ULK2: variants seen among roughly 807,000 people sequenced by gnomAD.
ULK2 encodes the protein unc-51 like autophagy activating kinase 2.
ULK2 carries 76 observed loss-of-function variants against 127.5 expected under a neutral mutation model. That is an observed-to-expected ratio of 0.60 (90% CI 0.50 to 0.72). ULK2 has a LOEUF of 0.72. Ranked by LOEUF, ULK2 falls within the 30% of genes least tolerant of loss-of-function variation. ULK2 has a pLI of 0.00. For missense variants in ULK2, 1,144 were observed against 1,295.9 expected (o/e 0.88, Z 1.80); for synonymous variants, 452 against 461.9 (o/e 0.98, Z 0.28).
chr17:19,783,841 C>T lies in ULK2; in HGVS notation c.2316G>A (p.Pro772=), dbSNP rs376881301. ...AMSGRVCVGS[P]PGPGFGSSPP... ...GGGAAGAGCCGAAGCCTGGGCCAGG[C>T]GGGGACCCCACGCACACGCGGCCAC... The change falls in exon 22 of 27, where the codon CCG becomes CCA. Residue 772 remains proline (P), a synonymous_variant. Transcript: ENST00000395544. 17 of 1,594,390 alleles carry T rather than the reference C, an allele frequency of 1.1e-5. No homozygotes were observed. The highest frequency in any genetic ancestry group is 1.4e-5 in the Non-Finnish European group (16 of 1,170,698).
chr17:19,801,618 G>C (rs1343261719), intron 16 of ULK2, among the ~76,000 whole-genome samples, 159 bp downstream of exon 16: 1 of 152,092 alleles, frequency 6.6e-6, no homozygotes, highest in Admixed American at 6.5e-5. Flanking sequence ...AAGAAAAGAG[G>C]GAGTTGGGAT....
rs145971510 is a variant in ULK2 at position 19,802,230 on chromosome 17, T to C, written c.1296-308A>G. On this transcript the variant is annotated intron_variant, in intron 15 of 26. Coordinates refer to ENST00000395544, the MANE Select transcript of ULK2 (RefSeq NM_014683.4). The stretch of plus-strand genomic sequence containing the variant: ...ACTAAATATATACTCCTTTTCACCA[T>C]GTTTTAACACCAAAGGTGATATATT... 1.8e-3 allele frequency among the ~76,000 whole-genome samples: 268 copies of C among 152,344 alleles called. 4 individuals carry two copies. The East Asian group carries it at 0.041, about 23-fold the overall frequency.
At position 19,782,086 on chromosome 17, in the gene ULK2, G is replaced by A. The variant is rs1326864629; in HGVS notation, c.2461-19C>T. On this transcript the variant is annotated intron_variant, in intron 22 of 26. Coordinates refer to ENST00000395544, the MANE Select transcript of ULK2 (RefSeq NM_014683.4). ...GTTCCCGCTGCAGCAAAGTCAATTT[G>A]TCTTAGAAAATTTCAGATTAAAAAT... 1 of 1,610,754 alleles carries A rather than the reference G, an allele frequency of 6.2e-7. No individual in the cohort carries two copies.
chr17:19,799,341 C>T (rs2152386002), intron 17 of ULK2, among the ~76,000 whole-genome samples, 154 bp downstream of exon 17: 1 of 152,070 alleles, frequency 6.6e-6, no homozygotes, highest in East Asian at 1.9e-4. Flanking sequence ...AGCTTTATGA[C>T]ATATTAAACC....
At chr17:19,835,966 T>TA (rs1282082994) in intron 10 of ULK2, among the ~76,000 whole-genome samples, 1 of 149,942 alleles carries the variant, frequency 6.7e-6, no homozygotes, top group Non-Finnish European at 1.5e-5. Flanking sequence ...TACAAAAGGG[T>TA]AAAAAAATTA....
intron 10 of ULK2, among the ~76,000 whole-genome samples, chr17:19,826,782 C>G (rs1323238145): frequency 1.3e-5 from 2 of 152,046 alleles, no homozygotes; most frequent in African/African-American, 4.8e-5. Context: ...ACGGTGAAAC[C>G]CTGTCTCTAC....
Position 19,776,316 on chromosome 17 carries a change from TC to T in ULK2, c.*32del, listed in dbSNP as rs1398425689. ...TAATCCCAAAGGCATCACCTCACGT[TC>T]CCACCACCGGTCCACGGGATGAGCC... is the stretch of plus-strand genomic sequence containing the variant. On this transcript the variant is annotated 3_prime_UTR_variant, in exon 27 of 27. Transcript: ENST00000395544. The T allele has an allele frequency of 6.3e-7, 1 of 1,575,858 alleles. No individual in the cohort carries two copies. Among genetic ancestry groups the T allele is most frequent in the Non-Finnish European group, 8.6e-7 (1 of 1,162,810 alleles).
intron 3 of ULK2, among the ~76,000 whole-genome samples, chr17:19,861,952 A>G (rs896693786): frequency 1.3e-5 from 2 of 152,208 alleles, no homozygotes; most frequent in African/African-American, 4.8e-5. Context: ...CATACTCTAC[A>G]ATCAAAAATT....
At chr17:19,840,567 T>TA in intron 9 of ULK2, 1 of 239,812 alleles carries the variant, frequency 4.2e-6, no homozygotes, top group Non-Finnish European at 8.2e-6. Flanking sequence ...TATTAATCAT[T>TA]TAAAAAAAAA....
chr17:19,866,916 T>C (rs2042363156), intron 1 of ULK2, among the ~76,000 whole-genome samples: 1 of 152,106 alleles, frequency 6.6e-6, no homozygotes, highest in South Asian at 2.1e-4. Flanking sequence ...CATCCGCCCA[T>C]TTTCCGCTGG....
At chr17:19,836,646 C>A (rs1315656508) in intron 10 of ULK2, among the ~76,000 whole-genome samples, 5 of 152,106 alleles carry the variant, frequency 3.3e-5, no homozygotes, top group African/African-American at 9.6e-5. Context: ...GTGGCTCATG[C>A]CTGTAATCCC....
chr17:19,859,752 T>C (rs1239644920), intron 3 of ULK2, among the ~76,000 whole-genome samples: 1 of 152,200 alleles, frequency 6.6e-6, no homozygotes, highest in Admixed American at 6.5e-5. Flanking sequence ...CAATCACAGC[T>C]CACTGTAACT....
intron 15 of ULK2, among the ~76,000 whole-genome samples, chr17:19,803,976 C>G (rs28721943): frequency 1.3e-3 from 191 of 152,294 alleles, no homozygotes; most frequent in African/African-American, 3.8e-3. Flanking sequence ...ATGTCAGAAT[C>G]CCTGATTACG....
At chr17:19,826,400 C>A (rs1359222360) in intron 10 of ULK2, among the ~76,000 whole-genome samples, 4 of 151,870 alleles carry the variant, frequency 2.6e-5, no homozygotes, top group Non-Finnish European at 5.9e-5. Flanking sequence ...GAATCAATAA[C>A]AAATTTTAAA....
chr17:19,793,148 A>G (rs2087193346), intron 20 of ULK2, among the ~76,000 whole-genome samples: 1 of 152,178 alleles, frequency 6.6e-6, no homozygotes, highest in African/African-American at 2.4e-5. Context: ...TTTCTTGACA[A>G]GGCAGCAGGA....
intron 21 of ULK2, among the ~76,000 whole-genome samples, chr17:19,784,552 G>T (rs77869446): frequency 0.04 from 4,493 of 112,562 alleles, 261 homozygotes; most frequent in East Asian, 0.23. Flanking sequence ...TTGAGTCAGG[G>T]TCTTGCTGTT....
At chr17:19,841,017 C>G (rs543796468) in intron 9 of ULK2, among the ~76,000 whole-genome samples, 81 of 152,176 alleles carry the variant, frequency 5.3e-4, no homozygotes, top group African/African-American at 1.8e-3. Context: ...TTGTCTTAAA[C>G]TATGTGTGTG....
At chr17:19,805,567 T>C (rs1288248557) in intron 14 of ULK2, among the ~76,000 whole-genome samples, 1 of 152,206 alleles carries the variant, frequency 6.6e-6, no homozygotes, top group Non-Finnish European at 1.5e-5. Flanking sequence ...AGCCTTTATG[T>C]CTTACTAAAA....
intron 3 of ULK2, among the ~76,000 whole-genome samples, chr17:19,855,189 G>T (rs1482166025): frequency 5.3e-5 from 8 of 151,756 alleles, no homozygotes; most frequent in Non-Finnish European, 8.8e-5. Context: ...TGGATCACAA[G>T]GTCAGGAGAT....
Sources: gnomAD v4.1 joint callset for allele counts (sites outside exome capture counted in the v4.1 genomes callset) on GRCh38, gnomAD v4.1.1 for gene constraint, MANE v1.5 for transcripts, NCBI Gene and HGNC (gene_info 2026-07-23, HGNC 2026-07-21) for gene names.